Variants in SCAF11 observed in about 807,000 individuals in gnomAD.
SCAF11 encodes the protein protein SCAF11.
SCAF11 carries 47 observed loss-of-function variants against 140.5 expected under a neutral mutation model. The ratio of observed to expected loss-of-function variants is 0.33; its 90% confidence interval spans 0.26 to 0.43. The LOEUF (loss-of-function observed/expected upper bound fraction) is 0.43. Ranked by LOEUF, SCAF11 falls within the 20% of genes least tolerant of loss-of-function variation. The probability of loss-of-function intolerance (pLI) is 1.00; values close to 1 mark genes in which losing one functional copy is unlikely to be tolerated. For missense variants in SCAF11, 1,645 were observed against 1,705.1 expected (o/e 0.96, Z 0.62); for synonymous variants, 557 against 579.4 (o/e 0.96, Z 0.55).
intron 1 of SCAF11, among the ~76,000 whole-genome samples, chr12:45,966,191 G>A (rs1360287823): frequency 1.3e-5 from 2 of 152,116 alleles, no homozygotes; most frequent in Non-Finnish European, 2.9e-5. Flanking sequence ...ATGCAGAAAG[G>A]TAAACTAGTA....
In SCAF11 at chr12:45,928,303, T is replaced by C. The variant is rs761599751; in HGVS notation, c.1398A>G (p.Thr466=). 6.2e-7 allele frequency: 1 copy of C among 1,614,046 alleles called. No homozygotes were observed. Among genetic ancestry groups the C allele is most frequent in the South Asian group, 1.1e-5 (1 of 91,056 alleles). Residue 466 remains threonine (T), a synonymous_variant, in exon 11 of 15, where the codon ACA becomes ACG. Coordinates refer to ENST00000369367, the MANE Select transcript of SCAF11 (RefSeq NM_004719.3). ...AAGATGAAGATCCTACTCTTTCCTC[T>C]GTATCATAATTTGCAGTATGCTTCT... The part of the protein sequence containing the change: ...ESEKHTANYD[T]EERVGSSSSE...
chr12:45,991,916 A>C (rs1486532303), upstream of SCAF11: 17 of 1,287,194 alleles, frequency 1.3e-5, no homozygotes, highest in African/African-American at 1.5e-5. Context: ...CCGCGCGCTC[A>C]CACGTTTTCC....
chr12:45,928,673 T>C lies in SCAF11; in HGVS notation c.1028A>G (p.Asn343Ser). The C allele has an allele frequency of 1.2e-6, 2 of 1,614,138 alleles. No homozygotes were observed. Among genetic ancestry groups the C allele is most frequent in the Non-Finnish European group, 1.7e-6 (2 of 1,180,006 alleles). Reference protein sequence around the residue: ...SQSQRSPISDNSGCDAPGNSN... With the variant: ...SQSQRSPISDSSGCDAPGNSN... The stretch of plus-strand genomic sequence containing the variant: ...GTTACCTGGGGCATCACACCCAGAA[T>C]TGTCTGATATTGGGGATCTCTGAGA... Residue 343 changes from asparagine (N) to serine (S), a missense_variant, in exon 11 of 15, where the codon AAT (asparagine) becomes AGT (serine). By Grantham distance (46) the Asn-to-Ser change is conservative (BLOSUM62 1). Transcript: ENST00000369367.
At chr12:45,981,525 G>A (rs1197142548) in intron 1 of SCAF11, among the ~76,000 whole-genome samples, 1 of 152,146 alleles carries the variant, frequency 6.6e-6, no homozygotes, top group East Asian at 1.9e-4. Context: ...ATTTTCTGAG[G>A]AATAAATATA....
In SCAF11 at chr12:45,927,147, T is replaced by C. The variant is rs148927308; in HGVS notation, c.2554A>G (p.Lys852Glu). The C allele has an allele frequency of 1.2e-6, 2 of 1,614,144 alleles. No homozygotes were observed. Among genetic ancestry groups the C allele is most frequent in the Non-Finnish European group, 1.7e-6 (2 of 1,180,004 alleles). Residue 852 changes from lysine to glutamate, a missense_variant, in exon 11 of 15, where the codon AAA becomes GAA. Coordinates refer to ENST00000369367, the MANE Select transcript of SCAF11 (RefSeq NM_004719.3). ...GRKKSRSQSP[K>E]KDIARERRQS... Reference sequence around the variant, plus strand: ...CTCCTTTCTCTTGCAATATCCTTTTTTGGGGACTGAGAACGGGATTTTTTC... The same window carrying C: ...CTCCTTTCTCTTGCAATATCCTTTTCTGGGGACTGAGAACGGGATTTTTTC...
rs763380165 is a variant in SCAF11 at position 45,964,070 on chromosome 12, C to CT, written c.61+36dup. 17 of 1,103,964 alleles carry CT rather than the reference C, an allele frequency of 1.5e-5. No homozygotes were observed. The South Asian group carries it at 2.1e-4, about 14-fold the overall frequency. 68.4% of individuals were successfully genotyped at this position (1,103,964 alleles called of 1,614,324 possible). On this transcript the variant is annotated intron_variant, in intron 2 of 14. Transcript: ENST00000369367. Reference sequence around the variant, plus strand: ...GGACAGTTTGGAAACAACTGTTTTGCTTTCAACAAACAAACTTTATAAAAA... The same window carrying CT: ...GGACAGTTTGGAAACAACTGTTTTGCTTTTCAACAAACAAACTTTATAAAAA...
At chr12:45,931,449 C>T in intron 10 of SCAF11, 57 bp downstream of exon 10, 2 of 900,928 alleles carry the variant, frequency 2.2e-6, no homozygotes, top group African/African-American at 1.8e-5. Context: ...TTTTATGAAA[C>T]TGGAAGAAAC....
At chr12:45,945,440 A>G (rs1945399470) in intron 5 of SCAF11, 127 bp from the exon 6 acceptor site, 1 of 610,900 alleles carries the variant, frequency 1.6e-6, no homozygotes, top group African/African-American at 1.9e-5. Flanking sequence ...CTATGCTGAA[A>G]TCTGGTAAAT....
chr12:45,978,433 G>A (rs956796247), intron 1 of SCAF11, among the ~76,000 whole-genome samples: 3 of 152,170 alleles, frequency 2.0e-5, no homozygotes, highest in Non-Finnish European at 4.4e-5. Flanking sequence ...TTTAAGGGAT[G>A]AGTTATACAT....
intron 6 of SCAF11, among the ~76,000 whole-genome samples, chr12:45,938,793 T>C (rs1378642338): frequency 3.3e-5 from 5 of 149,718 alleles, no homozygotes; most frequent in Admixed American, 6.7e-5. Context: ...GACTAATTGA[T>C]TCCAAAGTTT....
chr12:45,956,729 G>A (rs542129709), intron 3 of SCAF11, among the ~76,000 whole-genome samples: 14 of 152,214 alleles, frequency 9.2e-5, no homozygotes, highest in African/African-American at 3.1e-4. Context: ...TCTGACAATA[G>A]GCAACACTTT....
Position 45,928,745 on chromosome 12 carries a change from G to A in SCAF11, c.956C>T (p.Pro319Leu). ...GSRRKPAMTT[P>L]TRRSTRNTRA... ...TGTGTTACGTGTAGACCTCCTTGTA[G>A]GAGTTGTCATTGCAGGTTTTCGTCT... is the stretch of plus-strand genomic sequence containing the variant. The change falls in exon 11 of 15, where the codon CCT becomes CTT. Residue 319 changes from proline to leucine, a missense_variant. Pro to Leu is a moderately conservative substitution (Grantham distance 98). Coordinates refer to ENST00000369367, the MANE Select transcript of SCAF11 (RefSeq NM_004719.3). 1 of 1,613,846 alleles carries A rather than the reference G, an allele frequency of 6.2e-7. No homozygotes were observed. The highest frequency in any genetic ancestry group is 8.5e-7 in the Non-Finnish European group (1 of 1,179,922).
chr12:45,965,512 CTG>C lies in SCAF11; in HGVS notation c.-21-1326_-21-1325del, dbSNP rs563346189. 7.1e-3 allele frequency among the ~76,000 whole-genome samples: 1,088 copies of C among 152,224 alleles called. 10 individuals carry two copies. Among genetic ancestry groups the C allele is most frequent in the African/African-American group, 0.025 (1,030 of 41,522 alleles). ...TTTTTTCCTAAGAGATGGGGTCTTG[CTG>C]TGTTTCCCAGGCTGGTCTCCAACTC... On this transcript the variant is annotated intron_variant, in intron 1 of 14. Transcript: ENST00000369367.
At position 45,920,087 on chromosome 12, in the gene SCAF11, C is replaced by G. The variant is rs1426006942; in HGVS notation, c.*1961G>C. The G allele has an allele frequency of 2.0e-5, 3 of 152,170 alleles. No individual in the cohort carries two copies. The highest frequency in any genetic ancestry group is 4.4e-5 in the Non-Finnish European group (3 of 68,008). The allele number at this position is 152,170 out of a possible 1,614,324, so 9.4% of individuals were successfully genotyped here. A position where few individuals can be genotyped will look rare whatever the true frequency, so the allele number is the denominator to read the frequency against. On this transcript the variant is annotated 3_prime_UTR_variant, in exon 15 of 15. Coordinates refer to ENST00000369367, the MANE Select transcript of SCAF11 (RefSeq NM_004719.3). ...ATTAGAAGAAATATGCTTGAAATTT[C>G]TTTACCATAATCTAAACGCAAACTT...
At chr12:45,966,678 T>C (rs978855149) in intron 1 of SCAF11, among the ~76,000 whole-genome samples, 1 of 152,122 alleles carries the variant, frequency 6.6e-6, no homozygotes, top group African/African-American at 2.4e-5. Context: ...AGGCTAAGCA[T>C]TCTTGGCAGA....
chr12:45,973,561 T>C lies in SCAF11; in HGVS notation c.-21-9373A>G, dbSNP rs1196354022. On this transcript the variant is annotated intron_variant, in intron 1 of 14. Transcript: ENST00000369367. ...ACATCAGAGTCAAGCTACTGAAAGTTACAAAGGAAAACCTTGAAAGCACCC... is the reference window on the plus strand; with the variant it reads ...ACATCAGAGTCAAGCTACTGAAAGTCACAAAGGAAAACCTTGAAAGCACCC... 1.3e-5 allele frequency among the ~76,000 whole-genome samples: 2 copies of C among 152,118 alleles called. 1 individual carries two copies. Among genetic ancestry groups the C allele is most frequent in the African/African-American group, 4.8e-5 (2 of 41,426 alleles).
At chr12:45,989,172 T>C (rs2136680200) in intron 1 of SCAF11, among the ~76,000 whole-genome samples, 1 of 152,348 alleles carries the variant, frequency 6.6e-6, no homozygotes, top group East Asian at 1.9e-4. Flanking sequence ...CCAACCGTTA[T>C]TTTAAAATGT....
chr12:45,930,217 T>A (rs971267068), intron 10 of SCAF11, among the ~76,000 whole-genome samples: 1 of 152,184 alleles, frequency 6.6e-6, no homozygotes, highest in Non-Finnish European at 1.5e-5. Flanking sequence ...GAATTAAACT[T>A]CTTCTTATAA....
rs1321903743 is a variant in SCAF11, at chr12:45,926,180, G to A, written c.3521C>T (p.Ser1174Phe). 6.2e-6 allele frequency: 10 copies of A among 1,613,910 alleles called. No homozygotes were observed. The highest frequency in any genetic ancestry group is 8.5e-6 in the Non-Finnish European group (10 of 1,179,974). ...RRGRNSSGPQ[S>F]GWMKQEEETS... ...TTCCTCCTCTTGTTTCATCCATCCAGACTGTGGACCTGAAGAATTTCTGCC... is the reference window on the plus strand; with the variant it reads ...TTCCTCCTCTTGTTTCATCCATCCAAACTGTGGACCTGAAGAATTTCTGCC... The change falls in exon 11 of 15, where the codon TCT (serine) becomes TTT (phenylalanine). Residue 1174 changes from serine (S) to phenylalanine (F), a missense_variant. Transcript: ENST00000369367.
Sources: allele counts gnomAD v4.1 joint callset (sites outside exome capture counted in the v4.1 genomes callset), GRCh38; gene constraint gnomAD v4.1.1; transcripts MANE v1.5; gene names NCBI Gene and HGNC (gene_info 2026-07-23, HGNC 2026-07-21).